The following ANO10 variants were observed in gnomAD, a reference collection of about 807,000 sequenced individuals.
The protein encoded by ANO10 is anoctamin 10.
Under a neutral mutation model 74.7 loss-of-function variants are expected in ANO10, and 77 were observed. The ratio of observed to expected loss-of-function variants is 1.03; its 90% CI spans 0.86 to 1.25. ANO10 has a LOEUF of 1.25. Among genes scored for constraint, ANO10 ranks in the 50% most tolerant of loss-of-function variants. The pLI is 0.00. For missense variants in ANO10, 721 were observed against 778.1 expected (o/e 0.93, Z 0.87); for synonymous variants, 279 against 284.9 (o/e 0.98, Z 0.21).
At chr3:43,489,243 T>C (rs1321716409) in intron 11 of ANO10, among the ~76,000 whole-genome samples, 2 of 151,068 alleles carry the variant, frequency 1.3e-5, no homozygotes, top group South Asian at 4.2e-4. Flanking sequence ...GTGGGTGCAG[T>C]GCACCAGCAT....
chr3:43,667,859 G>A (rs2084010967), intron 1 of ANO10, among the ~76,000 whole-genome samples: 1 of 152,166 alleles, frequency 6.6e-6, no homozygotes, highest in South Asian at 2.1e-4. Flanking sequence ...GGGCACTTAG[G>A]TTGGTTCTAC....
At chr3:43,474,756 T>C (rs1055057685) in intron 11 of ANO10, among the ~76,000 whole-genome samples, 3 of 152,218 alleles carry the variant, frequency 2.0e-5, no homozygotes, top group Non-Finnish European at 2.9e-5. Context: ...CAGATTCAAG[T>C]TGCCACATAA....
At chr3:43,534,723 T>C (rs2078628721) in intron 11 of ANO10, among the ~76,000 whole-genome samples, 1 of 152,176 alleles carries the variant, frequency 6.6e-6, no homozygotes, top group Admixed American at 6.5e-5. Flanking sequence ...GCATGACAGC[T>C]TGAGAGTCAG....
At chr3:43,522,277 A>G (rs558446768) in intron 11 of ANO10, among the ~76,000 whole-genome samples, 1 of 152,244 alleles carries the variant, frequency 6.6e-6, no homozygotes, top group South Asian at 2.1e-4. Flanking sequence ...TACACACTCA[A>G]TATAATTAAA....
At chr3:43,434,954 T>A (rs896479182) in intron 11 of ANO10, among the ~76,000 whole-genome samples, 13 of 152,232 alleles carry the variant, frequency 8.5e-5, no homozygotes, top group African/African-American at 3.1e-4. Context: ...AAATATAGCA[T>A]CTTCACAATG....
chr3:43,562,200 C>T (rs1276134646), intron 8 of ANO10, among the ~76,000 whole-genome samples: 1 of 152,026 alleles, frequency 6.6e-6, no homozygotes, highest in African/African-American at 2.4e-5. Context: ...CACCTGTAAT[C>T]CCAGCACTTT....
At chr3:43,511,918 T>C (rs931818221) in intron 11 of ANO10, among the ~76,000 whole-genome samples, 8 of 152,126 alleles carry the variant, frequency 5.3e-5, no homozygotes, top group African/African-American at 1.9e-4. Flanking sequence ...TCCTGAGCAA[T>C]GCACACACAG....
At chr3:43,487,511 C>G (rs2076541879) in intron 11 of ANO10, among the ~76,000 whole-genome samples, 1 of 151,974 alleles carries the variant, frequency 6.6e-6, no homozygotes, top group Admixed American at 6.6e-5. Flanking sequence ...AGAGATTCAA[C>G]TTCTTCCTGG....
chr3:43,456,478 T>C (rs2075134257), intron 11 of ANO10, among the ~76,000 whole-genome samples: 1 of 152,164 alleles, frequency 6.6e-6, no homozygotes, highest in Non-Finnish European at 1.5e-5. Context: ...GAGTTGTCCA[T>C]CGGTAGGAAA....
intron 12 of ANO10, among the ~76,000 whole-genome samples, chr3:43,374,589 C>T (rs2091734112): frequency 4.6e-5 from 7 of 152,134 alleles, no homozygotes; most frequent in Admixed American, 4.6e-4. Context: ...CAACTATCCA[C>T]TGGGGTCACC....
chr3:43,451,348 T>C (rs1291180551), intron 11 of ANO10, among the ~76,000 whole-genome samples: 2 of 152,124 alleles, frequency 1.3e-5, no homozygotes, highest in African/African-American at 4.8e-5. Context: ...GGATGGAAAA[T>C]AATAACCTGG....
chr3:43,567,591 T>A (rs1385498282), intron 7 of ANO10, among the ~76,000 whole-genome samples: 2 of 151,934 alleles, frequency 1.3e-5, no homozygotes, highest in Non-Finnish European at 1.5e-5. Flanking sequence ...CTAAGCTTCA[T>A]AAGTGAAGGA....
intron 12 of ANO10, among the ~76,000 whole-genome samples, chr3:43,417,377 C>T (rs1169506384): frequency 6.6e-6 from 1 of 152,252 alleles, no homozygotes; most frequent in Admixed American, 6.5e-5. Context: ...GCCTTCCCCA[C>T]GGCTATGTAA....
intron 11 of ANO10, among the ~76,000 whole-genome samples, chr3:43,536,808 T>C (rs1478238190): frequency 6.6e-6 from 1 of 152,126 alleles, no homozygotes; most frequent in Non-Finnish European, 1.5e-5. Context: ...TTTCATCTTG[T>C]AAACATGTCC....
At chr3:43,604,261 T>C (rs2082461434) in intron 2 of ANO10, among the ~76,000 whole-genome samples, 1 of 152,168 alleles carries the variant, frequency 6.6e-6, no homozygotes, top group South Asian at 2.1e-4. Flanking sequence ...TTTGAAACTC[T>C]GTATCATTTC....
At position 43,408,801 on chromosome 3, in the gene ANO10, G is replaced by A. The variant is rs887677765; in HGVS notation, c.1914+23810C>T. Among the ~76,000 whole-genome samples the A allele has an allele frequency of 1.8e-4, 27 of 152,254 alleles. 1 individual carries two copies. Among genetic ancestry groups the A allele is most frequent in the South Asian group, 1.2e-3 (6 of 4,828 alleles). On this transcript the variant is annotated intron_variant, in intron 12 of 12. Coordinates refer to ENST00000292246, the MANE Select transcript of ANO10 (RefSeq NM_018075.5). ...TCCCAGCACTTTGGGAGACTGAGGCGGGTGGAACACTTGAGGTCAGGAATT... is the reference window on the plus strand; with the variant it reads ...TCCCAGCACTTTGGGAGACTGAGGCAGGTGGAACACTTGAGGTCAGGAATT...
chr3:43,369,472 G>C (rs867645834), intron 12 of ANO10, among the ~76,000 whole-genome samples: 2 of 152,246 alleles, frequency 1.3e-5, no homozygotes, highest in East Asian at 1.9e-4. Context: ...ACCTGTCCTG[G>C]AGCAAGGCTT....
intron 4 of ANO10, among the ~76,000 whole-genome samples, chr3:43,595,239 G>A (rs1446074032): frequency 6.6e-6 from 1 of 152,158 alleles, no homozygotes; most frequent in African/African-American, 2.4e-5. Context: ...TAGAAAAAGA[G>A]GGAATCCTCC....
chr3:43,634,465 A>G (rs1012652608), intron 1 of ANO10, among the ~76,000 whole-genome samples: 1 of 152,172 alleles, frequency 6.6e-6, no homozygotes, highest in Non-Finnish European at 1.5e-5. Context: ...TATATATACT[A>G]CTTATATATA....
Sources: gnomAD v4.1 joint callset for allele counts (sites outside exome capture counted in the v4.1 genomes callset) on GRCh38, gnomAD v4.1.1 for gene constraint, MANE v1.5 for transcripts, NCBI Gene and HGNC (gene_info 2026-07-23, HGNC 2026-07-21) for gene names.